KCNH7: variants seen among roughly 807,000 people sequenced by gnomAD.
The protein encoded by KCNH7 is potassium voltage-gated channel subfamily H member 7, also known as voltage-gated inwardly rectifying potassium channel KCNH7.
Under a neutral mutation model 120.8 loss-of-function variants are expected in KCNH7, and 49 were observed. That is an observed-to-expected ratio of 0.41 (90% CI 0.32 to 0.51). The LOEUF (loss-of-function observed/expected upper bound fraction) is 0.51, where lower values mean the gene tolerates loss of function less well. KCNH7 is among the 20% of genes least tolerant of loss of function. KCNH7 has a pLI of 0.38. For synonymous variants in KCNH7, 547 were observed against 516.1 expected (o/e 1.06, Z -0.81); for missense variants, 1,097 against 1,446.6 (o/e 0.76, Z 3.92).
In KCNH7 at chr2:162,793,668, T is replaced by TA. The variant is rs879413583; in HGVS notation, c.307+42868dup. 2.1e-3 allele frequency among the ~76,000 whole-genome samples: 323 copies of TA among 151,186 alleles called. 2 individuals carry two copies. Among genetic ancestry groups the TA allele is most frequent in the Non-Finnish European group, 3.5e-3 (234 of 67,704 alleles). On this transcript the variant is annotated intron_variant, in intron 2 of 15. Coordinates refer to ENST00000332142, the MANE Select transcript of KCNH7 (RefSeq NM_033272.4). ...CTACAGATTCAATGTAATAATTATC[T>TA]AAAAAAAAATCAAGTTCATAGAAGT...
At chr2:162,758,470 A>G (rs1268753860) in intron 2 of KCNH7, among the ~76,000 whole-genome samples, 1 of 152,036 alleles carries the variant, frequency 6.6e-6, no homozygotes, top group African/African-American at 2.4e-5. Context: ...ACACACACAT[A>G]TATATACACA....
intron 12 of KCNH7, among the ~76,000 whole-genome samples, chr2:162,393,672 A>C (rs1170181858): frequency 1.3e-5 from 2 of 152,048 alleles, no homozygotes; most frequent in Non-Finnish European, 2.9e-5. Context: ...TTGTTGGATC[A>C]GCATGAGGCA....
At chr2:162,635,828 C>A (rs1024827202) in intron 2 of KCNH7, among the ~76,000 whole-genome samples, 1 of 152,060 alleles carries the variant, frequency 6.6e-6, no homozygotes, top group African/African-American at 2.4e-5. Flanking sequence ...CTGTTGTTTT[C>A]TCACACAAGA....
intron 2 of KCNH7, among the ~76,000 whole-genome samples, chr2:162,809,814 C>T (rs1684672082): frequency 6.6e-6 from 1 of 151,842 alleles, no homozygotes. Flanking sequence ...ACTAGAATAA[C>T]ATTAACTCAT....
intron 2 of KCNH7, among the ~76,000 whole-genome samples, chr2:162,747,561 C>A (rs575924364): frequency 1.3e-5 from 2 of 152,162 alleles, no homozygotes; most frequent in African/African-American, 4.8e-5. Context: ...GGAGTGACAG[C>A]GAATGTGTAG....
rs780027843 is a variant in KCNH7, at chr2:162,536,940, T to C, written c.448A>G (p.Ile150Val). ...TPERVNPILP[I>V]KTVNRKFFGF... ...TTTTACTTACGGTTTACAGTTTTGATTGGTAATATTGGGTTTACCCTCTCT... is the reference window on the plus strand; with the variant it reads ...TTTTACTTACGGTTTACAGTTTTGACTGGTAATATTGGGTTTACCCTCTCT... The change falls in exon 3 of 16, where the codon ATC (isoleucine) becomes GTC (valine). Residue 150 changes from isoleucine to valine, a missense_variant. Physicochemically the swap from Ile to Val is conservative, Grantham distance 29. Transcript: ENST00000332142. 3 of 1,612,590 alleles carry C rather than the reference T, an allele frequency of 1.9e-6. No homozygotes were observed. Among genetic ancestry groups the C allele is most frequent in the Non-Finnish European group, 2.5e-6 (3 of 1,178,966 alleles).
Position 162,504,524 on chromosome 2 carries a change from T to C in KCNH7, c.1047A>G (p.Ser349=), listed in dbSNP as rs1690799499. The C allele has an allele frequency of 6.2e-7, 1 of 1,612,876 alleles. No homozygotes were observed. The highest frequency in any genetic ancestry group is 1.3e-5 in the African/African-American group (1 of 74,832). Residue 349 remains serine (S), a synonymous_variant, in exon 6 of 16, where the codon TCA becomes TCG. Coordinates refer to ENST00000332142, the MANE Select transcript of KCNH7 (RefSeq NM_033272.4). ...FSEVKTEKKN[S]SPPSSDKTII... ...TGGTTTTATCTGAAGAAGGAGGTGA[T>C]GAATTCTTTTTCTCAGTTTTGACCT...
intron 2 of KCNH7, among the ~76,000 whole-genome samples, chr2:162,738,410 G>C (rs182303092): frequency 6.6e-6 from 1 of 152,082 alleles, no homozygotes; most frequent in Non-Finnish European, 1.5e-5. Flanking sequence ...CATTAAGATC[G>C]TCACTGCCCT....
intron 14 of KCNH7, among the ~76,000 whole-genome samples, chr2:162,374,708 A>G (rs1436799588): frequency 6.6e-6 from 1 of 152,120 alleles, no homozygotes; most frequent in Non-Finnish European, 1.5e-5. Flanking sequence ...ATGAGAAAAT[A>G]TCTTCTTTTT....
chr2:162,384,960 G>C, intron 12 of KCNH7, 21 bp from the exon 13 acceptor site: 1 of 1,580,042 alleles, frequency 6.3e-7, no homozygotes, highest in South Asian at 1.2e-5. Flanking sequence ...ATATATCAAA[G>C]AAAAGTTATT....
Position 162,573,955 on chromosome 2 carries a change from G to A in KCNH7, c.308-36875C>T, listed in dbSNP as rs201980374. 2.0e-4 allele frequency among the ~76,000 whole-genome samples: 30 copies of A among 151,988 alleles called. No individual in the cohort carries two copies. The East Asian group carries it at 5.3e-3, about 27-fold the overall frequency. ...GGGTTGCTATAAAAATCACGAATAT[G>A]TTATAAAAAGAACAGAATAAACAAA... On this transcript the variant is annotated intron_variant, in intron 2 of 15. Coordinates refer to ENST00000332142, the MANE Select transcript of KCNH7 (RefSeq NM_033272.4).
At chr2:162,632,531 A>G (rs968739624) in intron 2 of KCNH7, among the ~76,000 whole-genome samples, 10 of 151,914 alleles carry the variant, frequency 6.6e-5, no homozygotes, top group Admixed American at 4.6e-4. Flanking sequence ...ATTCATTATG[A>G]AAAAGAAAAT....
intron 14 of KCNH7, among the ~76,000 whole-genome samples, chr2:162,376,324 C>T (rs565128284): frequency 6.6e-6 from 1 of 151,204 alleles, no homozygotes; most frequent in South Asian, 2.1e-4. Flanking sequence ...TCATTACTAA[C>T]AATTTTTACA....
At chr2:162,712,998 C>G (rs2105360767) in intron 2 of KCNH7, among the ~76,000 whole-genome samples, 1 of 152,318 alleles carries the variant, frequency 6.6e-6, no homozygotes, top group Middle Eastern at 3.4e-3. Flanking sequence ...GTTCAAATAA[C>G]TGATTCAGGA....
At chr2:162,653,092 T>C (rs994151248) in intron 2 of KCNH7, among the ~76,000 whole-genome samples, 4 of 152,106 alleles carry the variant, frequency 2.6e-5, no homozygotes, top group Admixed American at 2.6e-4. Context: ...CTAACTAAGC[T>C]CTCGATTTAG....
intron 3 of KCNH7, among the ~76,000 whole-genome samples, chr2:162,532,544 A>C (rs1176188348): frequency 1.3e-5 from 2 of 151,994 alleles, no homozygotes; most frequent in Non-Finnish European, 2.9e-5. Context: ...ATATGGACCA[A>C]ATACTATGTC....
Position 162,711,049 on chromosome 2 carries a change from T to A in KCNH7, c.307+125488A>T, listed in dbSNP as rs989842702. Among the ~76,000 whole-genome samples, 3 of 152,192 alleles carry A rather than the reference T, an allele frequency of 2.0e-5. No homozygotes were observed. In the East Asian group the frequency reaches 5.8e-4, roughly 29 times the overall value. On this transcript the variant is annotated intron_variant, in intron 2 of 15. Transcript: ENST00000332142. ...TGTTTAAAATTACCATTATACTTTCTATAATACATTTCCATGTGTCTGAAA... is the reference window on the plus strand; with the variant it reads ...TGTTTAAAATTACCATTATACTTTCAATAATACATTTCCATGTGTCTGAAA...
intron 2 of KCNH7, among the ~76,000 whole-genome samples, chr2:162,720,591 C>T (rs1203535128): frequency 2.0e-5 from 3 of 151,958 alleles, no homozygotes; most frequent in Admixed American, 6.6e-5. Context: ...ACAATATATA[C>T]AATACTCTGT....
chr2:162,413,896 G>A (rs1220456252), intron 9 of KCNH7, among the ~76,000 whole-genome samples: 1 of 151,528 alleles, frequency 6.6e-6, no homozygotes, highest in African/African-American at 2.4e-5. Flanking sequence ...TATCTACAAA[G>A]TTCTTATAAA....
Sources: gnomAD v4.1 joint callset for allele counts (sites outside exome capture counted in the v4.1 genomes callset) on GRCh38, gnomAD v4.1.1 for gene constraint, MANE v1.5 for transcripts, NCBI Gene and HGNC (gene_info 2026-07-23, HGNC 2026-07-21) for gene names.